The following SNCAIP variants were observed in gnomAD, a reference collection of about 807,000 sequenced individuals.
SNCAIP encodes the protein synphilin-1.
Under a neutral mutation model 86.7 loss-of-function variants are expected in SNCAIP, and 43 were observed. The observed-to-expected ratio is 0.50, with a 90% CI of 0.39 to 0.64. The LOEUF (loss-of-function observed/expected upper bound fraction) is 0.64. SNCAIP is among the 30% of genes least tolerant of loss of function. The probability of loss-of-function intolerance (pLI) is 0.00; values close to 1 mark genes in which losing one functional copy is unlikely to be tolerated. For synonymous variants in SNCAIP, 417 were observed against 427.2 expected (o/e 0.98, Z 0.29); for missense variants, 981 against 1,103.1 (o/e 0.89, Z 1.57).
chr5:122,317,987 C>G (rs1752134216), intron 1 of SNCAIP, among the ~76,000 whole-genome samples: 1 of 151,948 alleles, frequency 6.6e-6, no homozygotes, highest in Non-Finnish European at 1.5e-5. Context: ...CTTGCTCTTT[C>G]TAAAGAATAG....
rs142311833 is a variant in SNCAIP, at chr5:122,398,586, A to G, written c.58-5207A>G. Among the ~76,000 whole-genome samples, 403 of 152,202 alleles carry G rather than the reference A, an allele frequency of 2.6e-3. 3 individuals are homozygous for G. The highest frequency in any genetic ancestry group is 9.1e-3 in the African/African-American group (376 of 41,544). On this transcript the variant is annotated intron_variant, in intron 2 of 10. Coordinates refer to ENST00000261368, the MANE Select transcript of SNCAIP (RefSeq NM_005460.4). ...TGAGATACCTGCCTGAATTTTGGAA[A>G]ACTGTGCGAGAAATCATGAATTTCA... is the stretch of plus-strand genomic sequence containing the variant.
At chr5:122,403,033 T>C (rs780233921) in intron 2 of SNCAIP, among the ~76,000 whole-genome samples, 2 of 152,194 alleles carry the variant, frequency 1.3e-5, no homozygotes, top group Admixed American at 6.5e-5. Flanking sequence ...GCATCACATG[T>C]TGTCCTCATA....
chr5:122,413,948 C>T (rs532548123), intron 3 of SNCAIP, among the ~76,000 whole-genome samples: 7 of 152,130 alleles, frequency 4.6e-5, no homozygotes, highest in South Asian at 4.1e-4. Flanking sequence ...CTCACTCTTT[C>T]GCCGCAGCTG....
chr5:122,377,415 T>A (rs1322924024), intron 1 of SNCAIP, among the ~76,000 whole-genome samples: 1 of 152,154 alleles, frequency 6.6e-6, no homozygotes, highest in African/African-American at 2.4e-5. Context: ...CATGAATTCT[T>A]TCTTTCTTCC....
chr5:122,322,767 T>C (rs1330531456), intron 1 of SNCAIP, among the ~76,000 whole-genome samples: 1 of 152,234 alleles, frequency 6.6e-6, no homozygotes, highest in African/African-American at 2.4e-5. Flanking sequence ...ATACATTCTA[T>C]AGCAGATAAC....
At chr5:122,426,889 A>G (rs1053519966) in intron 5 of SNCAIP, among the ~76,000 whole-genome samples, 12 of 152,248 alleles carry the variant, frequency 7.9e-5, no homozygotes, top group African/African-American at 2.2e-4. Flanking sequence ...GTGGCTGGCA[A>G]TACAAATTTG....
rs533889833 is a variant in SNCAIP, at chr5:122,393,292, G to A, written c.57+2101G>A. Among the ~76,000 whole-genome samples the A allele has an allele frequency of 3.9e-4, 59 of 152,166 alleles. 1 individual carries two copies. Among genetic ancestry groups the A allele is most frequent in the South Asian group, 4.1e-4 (2 of 4,822 alleles). ...TGATGAAATAATAATAATAGCTAAC[G>A]TTTATTGAACATTTACCATGGGACA... On this transcript the variant is annotated intron_variant, in intron 2 of 10. Coordinates refer to ENST00000261368, the MANE Select transcript of SNCAIP (RefSeq NM_005460.4).
At chr5:122,389,805 A>C (rs538712126) in intron 1 of SNCAIP, 3 of 152,180 alleles carry the variant, frequency 2.0e-5, no homozygotes, top group African/African-American at 7.2e-5. Context: ...GACTTTAAAA[A>C]TGGTATATAC....
chr5:122,455,708 T>C (rs1358394529), intron 10 of SNCAIP, among the ~76,000 whole-genome samples: 1 of 152,208 alleles, frequency 6.6e-6, no homozygotes, highest in East Asian at 1.9e-4. Flanking sequence ...GGACAATAAA[T>C]ATAACATTTT....
At chr5:122,322,159 C>T (rs1381449062) in intron 1 of SNCAIP, among the ~76,000 whole-genome samples, 1 of 152,228 alleles carries the variant, frequency 6.6e-6, no homozygotes, top group African/African-American at 2.4e-5. Context: ...AGAGTCATCA[C>T]TACTCCCTCT....
At chr5:122,417,029 C>T (rs982298427) in intron 3 of SNCAIP, among the ~76,000 whole-genome samples, 6 of 152,056 alleles carry the variant, frequency 3.9e-5, no homozygotes, top group African/African-American at 7.2e-5. Flanking sequence ...TAAATCATAC[C>T]GCTTTTCTTT....
Position 122,423,437 on chromosome 5 carries a change from G to A in SNCAIP, c.700G>A (p.Glu234Lys), listed in dbSNP as rs773228057. ...VIHDQHKLST[E>K]ETEISPPLVK... ...CCACGACCAGCACAAGCTGTCCACT[G>A]AAGAAACCGAGATCTCACCTCCTCT... Residue 234 changes from glutamate (E) to lysine (K), a missense_variant, in exon 4 of 11, where the codon GAA becomes AAA. Coordinates refer to ENST00000261368, the MANE Select transcript of SNCAIP (RefSeq NM_005460.4). 6.2e-7 allele frequency: 1 copy of A among 1,613,690 alleles called. No individual in the cohort carries two copies. The highest frequency in any genetic ancestry group is 1.1e-5 in the South Asian group (1 of 91,042).
At chr5:122,348,655 G>T (rs1473266286) in intron 1 of SNCAIP, among the ~76,000 whole-genome samples, 1 of 152,050 alleles carries the variant, frequency 6.6e-6, no homozygotes, top group Non-Finnish European at 1.5e-5. Context: ...TTGAAAAATT[G>T]CCTGAGTCAC....
At chr5:122,421,732 A>AGTGG (rs1245220126) in intron 3 of SNCAIP, among the ~76,000 whole-genome samples, 5 of 152,170 alleles carry the variant, frequency 3.3e-5, no homozygotes, top group African/African-American at 1.2e-4. Flanking sequence ...CCCATAAATC[A>AGTGG]GTGGCCTGCA....
chr5:122,400,955 G>A (rs1362055316), intron 2 of SNCAIP: 3 of 1,527,598 alleles, frequency 2.0e-6, no homozygotes, highest in Admixed American at 4.4e-5. Context: ...TTCATTAACT[G>A]CAAGCCCCCT....
At chr5:122,381,641 G>A (rs1053038330) in intron 1 of SNCAIP, among the ~76,000 whole-genome samples, 1 of 150,806 alleles carries the variant, frequency 6.6e-6, no homozygotes, top group Non-Finnish European at 1.5e-5. Context: ...TAGTCTCGAT[G>A]GTCTTTACAT....
rs148969375 is a variant in SNCAIP, at chr5:122,420,485, T to C, written c.131-2383T>C. Among the ~76,000 whole-genome samples, 735 of 152,252 alleles carry C rather than the reference T, an allele frequency of 4.8e-3. 7 individuals are homozygous for C. The highest frequency in any genetic ancestry group is 0.017 in the African/African-American group (703 of 41,544). On this transcript the variant is annotated intron_variant, in intron 3 of 10. Coordinates refer to ENST00000261368, the MANE Select transcript of SNCAIP (RefSeq NM_005460.4). ...TTTTTATTACATTCTGAGATGCACA[T>C]TTTCTAGAGCTTCCAAAGAAATCAA...
intron 10 of SNCAIP, chr5:122,453,101 C>A: frequency 1.5e-6 from 1 of 649,798 alleles, no homozygotes; most frequent in South Asian, 2.1e-5. Context: ...GGGGATAACA[C>A]CAAGGAAGAA....
At chr5:122,401,103 G>A in intron 2 of SNCAIP, 1 of 1,549,908 alleles carries the variant, frequency 6.5e-7, no homozygotes, top group Non-Finnish European at 8.7e-7. Flanking sequence ...TGCCCTGGGA[G>A]CTTGCCATTG....
Sources: gnomAD v4.1 joint callset for allele counts (sites outside exome capture counted in the v4.1 genomes callset) on GRCh38, gnomAD v4.1.1 for gene constraint, MANE v1.5 for transcripts, NCBI Gene and HGNC (gene_info 2026-07-23, HGNC 2026-07-21) for gene names.